IL1RAPL2: variants seen among roughly 807,000 people sequenced by gnomAD.
The protein encoded by IL1RAPL2 is interleukin 1 receptor accessory protein like 2.
IL1RAPL2 carries 3 observed loss-of-function variants against 44.1 expected under a neutral mutation model. That is an observed-to-expected ratio of 0.07 (90% CI 0.03 to 0.18). The LOEUF (loss-of-function observed/expected upper bound fraction) is 0.18, where lower values mean the gene tolerates loss of function less well. Ranked by LOEUF, IL1RAPL2 falls within the 10% of genes least tolerant of loss-of-function variation. The pLI is 1.00. For synonymous variants in IL1RAPL2, 181 were observed against 178.8 expected, an observed-to-expected ratio of 1.01 and a Z score of -0.10; for missense variants, 391 against 496.4, an observed-to-expected ratio of 0.79 and a Z score of 2.02.
intron 2 of IL1RAPL2, among the ~76,000 whole-genome samples, chrX:104,916,475 C>T (rs1256526126): frequency 2.1e-4 from 23 of 111,406 alleles, no homozygotes; most frequent in South Asian, 1.1e-3. Context: ...TGGGCTGAGA[C>T]GATGGGGTTT....
In IL1RAPL2 at chrX:105,458,041, G is replaced by A. The variant is rs753001824; in HGVS notation, c.698-26272G>A. On this transcript the variant is annotated intron_variant, in intron 5 of 10. Transcript: ENST00000372582. Reference sequence around the variant, plus strand: ...AATGGGTATGAAGTAGTATCTCATTGTGGGTTTGATTTGCATTTCCCTAAT... The same window carrying A: ...AATGGGTATGAAGTAGTATCTCATTATGGGTTTGATTTGCATTTCCCTAAT... Among the ~76,000 whole-genome samples the A allele has an allele frequency of 2.7e-5, 3 of 111,270 alleles. No homozygotes were observed. The South Asian group carries it at 1.1e-3, about 42-fold the overall frequency.
chrX:105,732,580 T>G (rs2147568099), intron 7 of IL1RAPL2, among the ~76,000 whole-genome samples: 1 of 111,629 alleles, frequency 9.0e-6, no homozygotes, highest in African/African-American at 3.2e-5. Context: ...CTGTACAGCC[T>G]GTGGAACGGT....
At chrX:105,540,086 A>T (rs1179537720) in intron 6 of IL1RAPL2, among the ~76,000 whole-genome samples, 1 of 111,674 alleles carries the variant, frequency 9.0e-6, no homozygotes, top group Non-Finnish European at 1.9e-5. Flanking sequence ...ATATACTGTT[A>T]GTTGGAATGT....
At chrX:105,322,380 T>G (rs1479742151) in intron 5 of IL1RAPL2, among the ~76,000 whole-genome samples, 1 of 112,526 alleles carries the variant, frequency 8.9e-6, no homozygotes, top group African/African-American at 3.2e-5. Context: ...GCAGGTACAG[T>G]GTAGCTGGTT....
chrX:104,612,058 T>C (rs1438148383), intron 1 of IL1RAPL2, among the ~76,000 whole-genome samples: 1 of 110,870 alleles, frequency 9.0e-6, no homozygotes, highest in Non-Finnish European at 1.9e-5. Context: ...TGTTCATTTG[T>C]TTAAGTTGCT....
At position 105,419,573 on chromosome X, in the gene IL1RAPL2, G is replaced by T. The variant is rs766101510; in HGVS notation, c.698-64740G>T. Among the ~76,000 whole-genome samples the T allele has an allele frequency of 8.0e-5, 9 of 112,019 alleles. No individual in the cohort carries two copies. In the South Asian group the frequency reaches 1.8e-3, roughly 23 times the overall value. On this transcript the variant is annotated intron_variant, in intron 5 of 10. Transcript: ENST00000372582. ...GCATGCTACTATATTTTGAGCAAAT[G>T]ATCACAAACACATCCGCATGAGAAG...
chrX:105,703,500 G>A (rs1170798327), intron 6 of IL1RAPL2, among the ~76,000 whole-genome samples: 3 of 111,347 alleles, frequency 2.7e-5, no homozygotes, highest in Non-Finnish European at 5.7e-5. Flanking sequence ...ACAATGTAAG[G>A]GCCACAGATA....
At chrX:104,712,825 C>T (rs1931485031) in intron 2 of IL1RAPL2, among the ~76,000 whole-genome samples, 2 of 91,705 alleles carry the variant, frequency 2.2e-5, no homozygotes, top group African/African-American at 3.6e-5. Context: ...TACAAATCCC[C>T]TTTGACAGCT....
intron 2 of IL1RAPL2, among the ~76,000 whole-genome samples, chrX:105,100,089 G>A (rs957299319): frequency 1.3e-4 from 14 of 111,724 alleles, no homozygotes; most frequent in African/African-American, 4.2e-4. Flanking sequence ...ACAGTATATT[G>A]TTATAGTTGT....
chrX:105,019,061 A>C (rs1403218511), intron 2 of IL1RAPL2, among the ~76,000 whole-genome samples: 2 of 111,416 alleles, frequency 1.8e-5, no homozygotes, highest in African/African-American at 6.5e-5. Flanking sequence ...CTTACTTATA[A>C]TGTGTCCATG....
At chrX:105,395,725 C>T (rs2035557429) in intron 5 of IL1RAPL2, among the ~76,000 whole-genome samples, 1 of 111,772 alleles carries the variant, frequency 8.9e-6, no homozygotes, top group Non-Finnish European at 1.9e-5. Flanking sequence ...GTGATTGTTC[C>T]ACCACCCACC....
At chrX:104,908,574 G>T (rs1457754969) in intron 2 of IL1RAPL2, among the ~76,000 whole-genome samples, 2 of 111,082 alleles carry the variant, frequency 1.8e-5, no homozygotes, top group Non-Finnish European at 1.9e-5. Context: ...GCTTAGTTTG[G>T]CTGGATATGA....
At chrX:104,678,170 G>T (rs1930821083) in intron 2 of IL1RAPL2, among the ~76,000 whole-genome samples, 1 of 112,591 alleles carries the variant, frequency 8.9e-6, no homozygotes, top group South Asian at 3.7e-4. Context: ...TATACAGCAT[G>T]GAATTACAAA....
At chrX:105,269,655 G>T (rs1458845532) in intron 5 of IL1RAPL2, among the ~76,000 whole-genome samples, 2 of 111,549 alleles carry the variant, frequency 1.8e-5, no homozygotes, top group African/African-American at 6.5e-5. Flanking sequence ...ATTTATGGCA[G>T]AAAATTCAAT....
chrX:104,802,377 AAAG>A (rs1175450778), intron 2 of IL1RAPL2, among the ~76,000 whole-genome samples: 49 of 110,526 alleles, frequency 4.4e-4, no homozygotes, highest in Middle Eastern at 4.7e-3. Context: ...AATAAAAAAA[AAAG>A]AAGAAAGAAA....
chrX:105,108,314 G>A (rs1237406111), intron 2 of IL1RAPL2, among the ~76,000 whole-genome samples: 1 of 111,189 alleles, frequency 9.0e-6, no homozygotes, highest in Non-Finnish European at 1.9e-5. Context: ...GCACCAGCAA[G>A]TTCTGTTTTT....
At chrX:105,339,076 C>G (rs1406247824) in intron 5 of IL1RAPL2, among the ~76,000 whole-genome samples, 1 of 111,741 alleles carries the variant, frequency 8.9e-6, no homozygotes, top group Non-Finnish European at 1.9e-5. Context: ...GCACATCAGC[C>G]TGGGTGACAG....
chrX:105,518,434 A>T (rs1461505840), intron 6 of IL1RAPL2, among the ~76,000 whole-genome samples: 1 of 111,600 alleles, frequency 9.0e-6, no homozygotes, highest in African/African-American at 3.3e-5. Context: ...CCAAAGAAAT[A>T]TTAGTAACAA....
At chrX:105,518,100 C>A (rs139545495) in intron 6 of IL1RAPL2, among the ~76,000 whole-genome samples, 116 of 110,766 alleles carry the variant, frequency 1.0e-3, no homozygotes, top group African/African-American at 3.6e-3. Flanking sequence ...TTGGATTTAT[C>A]GGATAGGAGG....
Sources: gnomAD v4.1 joint callset for allele counts (sites outside exome capture counted in the v4.1 genomes callset) on GRCh38, gnomAD v4.1.1 for gene constraint, MANE v1.5 for transcripts, NCBI Gene and HGNC (gene_info 2026-07-23, HGNC 2026-07-21) for gene names.